PRR5L: variants seen among roughly 807,000 people sequenced by gnomAD.
PRR5L encodes the protein proline rich 5 like.
In PRR5L, 21 loss-of-function variants were observed where a neutral mutation model predicts 36.4. That is an observed-to-expected ratio of 0.58 (90% confidence interval 0.41 to 0.83). PRR5L has a LOEUF of 0.83. Ranked by LOEUF, PRR5L falls within the 40% of genes least tolerant of loss-of-function variation. The probability of loss-of-function intolerance (pLI) is 0.00; values close to 1 mark genes in which losing one functional copy is unlikely to be tolerated. For synonymous variants in PRR5L, 188 were observed against 197.0 expected, an observed-to-expected ratio of 0.95 and a Z score of 0.38; for missense variants, 381 against 473.3, an observed-to-expected ratio of 0.80 and a Z score of 1.81.
chr11:36,324,062 A>C (rs1345703712), intron 1 of PRR5L, among the ~76,000 whole-genome samples: 2 of 152,272 alleles, frequency 1.3e-5, no homozygotes, highest in East Asian at 3.9e-4. Flanking sequence ...TACCCAAGAG[A>C]AATGGGTGTA....
At chr11:36,300,802 G>C (rs1342039786) in intron 1 of PRR5L, among the ~76,000 whole-genome samples, 1 of 152,208 alleles carries the variant, frequency 6.6e-6, no homozygotes, top group Non-Finnish European at 1.5e-5. Flanking sequence ...GGCTGTGTCA[G>C]GTTCATCTGG....
chr11:36,413,504 G>A (rs778497349), intron 3 of PRR5L, among the ~76,000 whole-genome samples: 4 of 151,998 alleles, frequency 2.6e-5, no homozygotes, highest in African/African-American at 4.8e-5. Context: ...AAAATTTTAC[G>A]CATATAGCAA....
chr11:36,400,999 G>A lies in PRR5L; in HGVS notation c.-123G>A. 2 of 1,462,358 alleles carry A rather than the reference G, an allele frequency of 1.4e-6. No homozygotes were observed. The highest frequency in any genetic ancestry group is 1.8e-6 in the Non-Finnish European group (2 of 1,106,200). The allele number at this position is 1,462,358 out of a possible 1,614,324, so 90.6% of individuals were successfully genotyped here. On this transcript the variant is annotated splice_region_variant and 5_prime_UTR_variant, in exon 2 of 9. Transcript: ENST00000530639. ...TAAAAGCTTCCCTCTCTTTTCAGGT[G>A]TTGGCTACGTTTGTGGTTTTAAGAA...
intron 1 of PRR5L, among the ~76,000 whole-genome samples, chr11:36,362,547 G>A (rs1186281702): frequency 6.6e-6 from 1 of 152,034 alleles, no homozygotes; most frequent in East Asian, 1.9e-4. Context: ...CACTGGGCAA[G>A]CAGAATTGAC....
At chr11:36,317,391 T>C (rs1228361393) in intron 1 of PRR5L, among the ~76,000 whole-genome samples, 1 of 152,216 alleles carries the variant, frequency 6.6e-6, no homozygotes, top group South Asian at 2.1e-4. Flanking sequence ...ATTGTGAGGA[T>C]CAAATGAACT....
intron 1 of PRR5L, among the ~76,000 whole-genome samples, chr11:36,395,133 C>T (rs1265513011): frequency 6.6e-6 from 1 of 152,192 alleles, no homozygotes; most frequent in Non-Finnish European, 1.5e-5. Flanking sequence ...GTCATGTCAT[C>T]CCGAAGACCC....
intron 4 of PRR5L, chr11:36,425,790 T>A (rs1258960851): frequency 6.6e-6 from 1 of 151,208 alleles, no homozygotes; most frequent in Non-Finnish European, 1.5e-5. Context: ...TCATTAGAGG[T>A]GATGGCTGGC....
chr11:36,374,099 TTC>T (rs1237213346), intron 1 of PRR5L, among the ~76,000 whole-genome samples: 7 of 112,358 alleles, frequency 6.2e-5, no homozygotes, highest in African/African-American at 2.5e-4. Flanking sequence ...CCTTCCTTCC[TTC>T]CTTCCTCTCT....
At chr11:36,359,926 A>G (rs1450779817) in intron 1 of PRR5L, among the ~76,000 whole-genome samples, 2 of 152,086 alleles carry the variant, frequency 1.3e-5, no homozygotes, top group Admixed American at 6.5e-5. Context: ...AGTCCCAGCT[A>G]CTAGGAAGTC....
At position 36,439,423 on chromosome 11, in the gene PRR5L, T is replaced by C. The variant is rs558073760; in HGVS notation, c.444+1947T>C. Reference sequence around the variant, plus strand: ...GCTCTGTTTCAGTTCTCTTGGAAGATGGTAAGATCTGGCAACAATTAATAT... The same window carrying C: ...GCTCTGTTTCAGTTCTCTTGGAAGACGGTAAGATCTGGCAACAATTAATAT... On this transcript the variant is annotated intron_variant, in intron 6 of 8. Transcript: ENST00000530639. Among the ~76,000 whole-genome samples the C allele has an allele frequency of 2.4e-4, 36 of 152,258 alleles. No individual in the cohort carries two copies. The South Asian group carries it at 5.0e-3, about 21-fold the overall frequency.
At position 36,462,658 on chromosome 11, in the gene PRR5L, T is replaced by C. The variant is rs514352; in HGVS notation, c.1029T>C (p.Thr343=). 1,609,357 of 1,611,020 alleles carry C rather than the reference T, an allele frequency of 1. 803,857 individuals carry two copies. Among genetic ancestry groups the C allele is most frequent in the South Asian group, 1 (90,823 of 90,826 alleles). Residue 343 remains threonine, a synonymous_variant, in exon 9 of 9, where the codon ACT becomes ACC. Coordinates refer to ENST00000530639, the MANE Select transcript of PRR5L (RefSeq NM_001160167.2). Reference sequence around the variant, plus strand: ...AGTGCTCCAGTGAGCCCAACATCACTGACAACCCTGACGGACTGGAGGAGG... The same window carrying C: ...AGTGCTCCAGTGAGCCCAACATCACCGACAACCCTGACGGACTGGAGGAGG... ...HRQCSSEPNI[T]DNPDGLEEGA... is the part of the protein sequence containing the mutation.
chr11:36,341,117 A>T (rs111309266), intron 1 of PRR5L, among the ~76,000 whole-genome samples: 11 of 152,292 alleles, frequency 7.2e-5, no homozygotes, highest in African/African-American at 2.4e-4. Context: ...AAGTAAGCAT[A>T]CTGGCCTTTA....
At chr11:36,438,684 G>A (rs1288626596) in intron 6 of PRR5L, among the ~76,000 whole-genome samples, 2 of 152,136 alleles carry the variant, frequency 1.3e-5, no homozygotes, top group South Asian at 2.1e-4. Context: ...GATGTTGGCC[G>A]GGCACAGCAC....
At chr11:36,401,868 G>T (rs77229041) in intron 2 of PRR5L, among the ~76,000 whole-genome samples, 3,483 of 152,270 alleles carry the variant, frequency 0.023, 64 homozygotes, top group East Asian at 0.034. Context: ...TGGAATTTAC[G>T]GTCACTATTC....
rs1009014165 is a variant in PRR5L, at chr11:36,462,397, G to C, written c.768G>C (p.Pro256=). Residue 256 remains proline (P), a synonymous_variant, in exon 9 of 9, where the codon CCG becomes CCC. Coordinates refer to ENST00000530639, the MANE Select transcript of PRR5L (RefSeq NM_001160167.2). ...TGACTGTCCTGAACTATGCCTCCCC[G>C]ATAACCGCAGTCAGCCGGCCACTGA... ...PKVTVLNYAS[P]ITAVSRPLNE... is the part of the protein sequence containing the mutation. The C allele has an allele frequency of 7.0e-6, 11 of 1,560,634 alleles. No individual in the cohort carries two copies. Among genetic ancestry groups the C allele is most frequent in the Non-Finnish European group, 9.6e-6 (11 of 1,150,948 alleles).
rs1413146759 is a variant in PRR5L, at chr11:36,462,448, A to G, written c.819A>G (p.Thr273=). 1 of 1,605,966 alleles carries G rather than the reference A, an allele frequency of 6.2e-7. No homozygotes were observed. The highest frequency in any genetic ancestry group is 8.5e-7 in the Non-Finnish European group (1 of 1,175,682). The change falls in exon 9 of 9, where the codon ACA becomes ACG. Residue 273 remains threonine (T), a synonymous_variant. Transcript: ENST00000530639. ...ATGAGATGGTCTTGACCCCACTGAC[A>G]GAGCAGGAGGGGGAAGCCTACCTGG... The part of the protein sequence containing the change: ...PLNEMVLTPL[T]EQEGEAYLEK...
chr11:36,319,322 A>G (rs1217527827), intron 1 of PRR5L, among the ~76,000 whole-genome samples: 1 of 152,228 alleles, frequency 6.6e-6, no homozygotes, highest in Non-Finnish European at 1.5e-5. Flanking sequence ...GAGCCTGAGA[A>G]TAGAGCTAAC....
rs907966732 is a variant in PRR5L, at chr11:36,460,817, C to T, written c.713-1525C>T. On this transcript the variant is annotated intron_variant, in intron 8 of 8. Coordinates refer to ENST00000530639, the MANE Select transcript of PRR5L (RefSeq NM_001160167.2). ...ACCACAGGTGCTTCCATCTGCCTGC[C>T]GGGGCACCTCTCCTGGAGTCTGTTC... Among the ~76,000 whole-genome samples, 20 of 152,354 alleles carry T rather than the reference C, an allele frequency of 1.3e-4. No individual in the cohort carries two copies. In the East Asian group the frequency reaches 2.7e-3, roughly 21 times the overall value.
At position 36,367,993 on chromosome 11, in the gene PRR5L, C is replaced by T. The variant is rs143819721; in HGVS notation, c.-125-33004C>T. Among the ~76,000 whole-genome samples the T allele has an allele frequency of 2.4e-3, 360 of 150,678 alleles. 3 individuals carry two copies. The highest frequency in any genetic ancestry group is 8.2e-3 in the African/African-American group (337 of 40,988). ...GAGCCAAAGTACTAGAGAGAATGACCGTGAAAGATGGGAGGTGGTGTTAAG... is the reference window on the plus strand; with the variant it reads ...GAGCCAAAGTACTAGAGAGAATGACTGTGAAAGATGGGAGGTGGTGTTAAG... On this transcript the variant is annotated intron_variant, in intron 1 of 8. Coordinates refer to ENST00000530639, the MANE Select transcript of PRR5L (RefSeq NM_001160167.2).
Sources: allele counts gnomAD v4.1 joint callset (sites outside exome capture counted in the v4.1 genomes callset), GRCh38; gene constraint gnomAD v4.1.1; transcripts MANE v1.5; gene names NCBI Gene and HGNC (gene_info 2026-07-23, HGNC 2026-07-21).